MKLN1: variants seen among roughly 807,000 people sequenced by gnomAD.
MKLN1 encodes muskelin 1.
In MKLN1, 18 loss-of-function variants were observed where a neutral mutation model predicts 99.0. That is an observed-to-expected ratio of 0.18 (90% CI 0.13 to 0.27). MKLN1 has a LOEUF of 0.27. Ranked by LOEUF, MKLN1 falls within the 10% of genes least tolerant of loss-of-function variation. MKLN1 has a pLI of 1.00. For synonymous variants in MKLN1, 288 were observed against 293.2 expected (o/e 0.98, Z 0.18); for missense variants, 621 against 875.9 (o/e 0.71, Z 3.67).
intron 1 of MKLN1, among the ~76,000 whole-genome samples, chr7:131,138,017 C>G (rs1433226093): frequency 6.6e-6 from 1 of 151,556 alleles, no homozygotes; most frequent in African/African-American, 2.4e-5. Flanking sequence ...CCTCCGCCTC[C>G]CGGGTTCAAG....
intron 2 of MKLN1, among the ~76,000 whole-genome samples, chr7:131,180,871 A>T (rs931400670): frequency 1.3e-5 from 2 of 152,114 alleles, no homozygotes; most frequent in African/African-American, 4.8e-5. Flanking sequence ...AATTATTTGT[A>T]CTCTACAAAA....
chr7:131,127,295 G>T (rs1396008241), intron 1 of MKLN1, among the ~76,000 whole-genome samples: 4 of 152,200 alleles, frequency 2.6e-5, no homozygotes, highest in African/African-American at 9.6e-5. Flanking sequence ...AGTGTAGCCA[G>T]TGACCACTAA....
intron 3 of MKLN1, among the ~76,000 whole-genome samples, chr7:131,247,308 G>C (rs1412690080): frequency 1.3e-5 from 2 of 148,864 alleles, no homozygotes; most frequent in African/African-American, 4.9e-5. Context: ...CTGCCTTCCG[G>C]GTTGAAGCGA....
At chr7:131,289,284 G>A (rs1474774512) in intron 3 of MKLN1, among the ~76,000 whole-genome samples, 1 of 152,224 alleles carries the variant, frequency 6.6e-6, no homozygotes, top group African/African-American at 2.4e-5. Context: ...GTTTATGGGT[G>A]TGGCAGACAT....
intron 4 of MKLN1, among the ~76,000 whole-genome samples, chr7:131,392,512 A>G (rs1794223417): frequency 6.6e-6 from 1 of 152,196 alleles, no homozygotes; most frequent in South Asian, 2.1e-4. Flanking sequence ...TACTGTGCTA[A>G]GTATACTTAT....
intron 2 of MKLN1, among the ~76,000 whole-genome samples, chr7:131,189,585 C>G (rs1164134873): frequency 6.6e-6 from 1 of 151,712 alleles, no homozygotes; most frequent in Non-Finnish European, 1.5e-5. Flanking sequence ...CCCACCCAGC[C>G]TAGGTATGAG....
chr7:131,153,119 G>A (rs1795913909), intron 2 of MKLN1, among the ~76,000 whole-genome samples: 1 of 148,368 alleles, frequency 6.7e-6, no homozygotes, highest in South Asian at 2.1e-4. Context: ...CTTTTGTGAT[G>A]TTACCTAGAT....
chr7:131,273,296 C>T lies in MKLN1; in HGVS notation c.-179+70322C>T, dbSNP rs138438046. Among the ~76,000 whole-genome samples the T allele has an allele frequency of 7.9e-4, 120 of 152,270 alleles. 1 individual carries two copies. The East Asian group carries it at 0.011, about 13-fold the overall frequency. Reference sequence around the variant, plus strand: ...TCAGAGGCAGGGTATTTTCCATGGGCGGCTGTCCTTTCTGTAATTCCTCAT... The same window carrying T: ...TCAGAGGCAGGGTATTTTCCATGGGTGGCTGTCCTTTCTGTAATTCCTCAT... On this transcript the variant is annotated intron_variant, in intron 3 of 7. Coordinates refer to the MKLN1 transcript ENST00000416992.
chr7:131,346,054 A>T (rs971274548), intron 1 of MKLN1, among the ~76,000 whole-genome samples: 1 of 152,250 alleles, frequency 6.6e-6, no homozygotes, highest in East Asian at 1.9e-4. Context: ...CTTCCAGCCT[A>T]TAAGTAAAAT....
At chr7:131,484,679 C>T (rs980897958) in intron 17 of MKLN1, among the ~76,000 whole-genome samples, 1 of 152,044 alleles carries the variant, frequency 6.6e-6, no homozygotes, top group Non-Finnish European at 1.5e-5. Context: ...ATACTCAGAA[C>T]GTAAGAGAAA....
intron 16 of MKLN1, chr7:131,471,187 T>G: frequency 3.1e-6 from 1 of 321,030 alleles, no homozygotes. Flanking sequence ...GTATAAAGTT[T>G]TAACTTAGTT....
intron 2 of MKLN1, among the ~76,000 whole-genome samples, chr7:131,143,555 G>A (rs999532411): frequency 1.3e-5 from 2 of 152,214 alleles, no homozygotes; most frequent in African/African-American, 2.4e-5. Context: ...GCTGGGCACA[G>A]TAGCTCATGC....
intron 10 of MKLN1, among the ~76,000 whole-genome samples, chr7:131,443,028 A>C (rs763915507): frequency 1.3e-5 from 2 of 152,234 alleles, no homozygotes; most frequent in Non-Finnish European, 2.9e-5. Context: ...TTTTATAAAA[A>C]TAAATGCAGA....
At chr7:131,306,367 G>A (rs1049720782) in intron 3 of MKLN1, among the ~76,000 whole-genome samples, 2 of 152,200 alleles carry the variant, frequency 1.3e-5, no homozygotes, top group Non-Finnish European at 2.9e-5. Context: ...CGGTTTGGAC[G>A]GCTCAGAAGA....
chr7:131,250,079 C>T (rs1046601857), intron 3 of MKLN1, among the ~76,000 whole-genome samples: 3 of 152,076 alleles, frequency 2.0e-5, no homozygotes, highest in South Asian at 2.1e-4. Context: ...ATAATGTGGG[C>T]CCAGCCTATA....
At chr7:131,418,391 AAG>A (rs1563338357) in intron 8 of MKLN1, among the ~76,000 whole-genome samples, 1 of 151,594 alleles carries the variant, frequency 6.6e-6, no homozygotes, top group Non-Finnish European at 1.5e-5. Flanking sequence ...AAAAAAAAAA[AAG>A]AGAGATAAAT....
At chr7:131,167,554 C>T (rs1391310549) in intron 2 of MKLN1, among the ~76,000 whole-genome samples, 4 of 151,544 alleles carry the variant, frequency 2.6e-5, no homozygotes, top group South Asian at 2.1e-4. Flanking sequence ...TATCTGTGGT[C>T]GCAGCTACTC....
chr7:131,352,839 T>C (rs564443875), intron 1 of MKLN1, among the ~76,000 whole-genome samples: 74 of 152,332 alleles, frequency 4.9e-4, no homozygotes, highest in African/African-American at 1.7e-3. Context: ...ATTCCTGTTT[T>C]TGTTTCTGCA....
intron 16 of MKLN1, chr7:131,472,400 A>T (rs1276078573): frequency 6.6e-6 from 1 of 152,246 alleles, no homozygotes; most frequent in Non-Finnish European, 1.5e-5. Flanking sequence ...GAAAAAAAAC[A>T]GGACAGGGAG....
Sources: allele counts gnomAD v4.1 joint callset (sites outside exome capture counted in the v4.1 genomes callset), GRCh38; gene constraint gnomAD v4.1.1; transcripts MANE v1.5; gene names NCBI Gene and HGNC (gene_info 2026-07-23, HGNC 2026-07-21).